The following PCDHA5 variants were observed in gnomAD, a reference collection of about 807,000 sequenced individuals.
PCDHA5 encodes protocadherin alpha 5.
Under a neutral mutation model 61.6 loss-of-function variants are expected in PCDHA5, and 43 were observed. The observed-to-expected ratio is 0.70, with a 90% CI of 0.55 to 0.90. PCDHA5 has a LOEUF of 0.90. Among genes scored for constraint, PCDHA5 ranks in the 40% least tolerant of loss-of-function variants. The pLI is 0.00. For synonymous variants in PCDHA5, 627 were observed against 543.9 expected (o/e 1.15, Z -2.13); for missense variants, 1,298 against 1,222.7 (o/e 1.06, Z -0.92).
chr5:140,828,245 C>T (rs2150153040), intron 1 of PCDHA5: 1 of 1,613,956 alleles, frequency 6.2e-7, no homozygotes, highest in East Asian at 2.2e-5. Context: ...CGCGCAGGAC[C>T]TGGGGCTGGA....
intron 1 of PCDHA5, chr5:140,927,487 C>T: frequency 1.2e-6 from 2 of 1,614,142 alleles, no homozygotes; most frequent in Non-Finnish European, 1.7e-6. Context: ...GCGCGCCACC[C>T]ACCTGCTGGT....
intron 1 of PCDHA5, chr5:140,870,319 T>G (rs782623881): frequency 3.7e-6 from 6 of 1,614,162 alleles, no homozygotes; most frequent in Non-Finnish European, 5.1e-6. Flanking sequence ...TTACTACTCG[T>G]TGGTGCTGGA....
At chr5:140,860,671 T>A (rs1339790199) in intron 1 of PCDHA5, 1 of 152,218 alleles carries the variant, frequency 6.6e-6, no homozygotes, top group Non-Finnish European at 1.5e-5. Context: ...TGAAATCAAA[T>A]GCACTTATGT....
intron 1 of PCDHA5, among the ~76,000 whole-genome samples, chr5:140,924,902 AAAATAAAATAAAAT>A (rs1442290811): frequency 5.1e-5 from 2 of 39,026 alleles, no homozygotes; most frequent in East Asian, 1.3e-3. Flanking sequence ...CTCAAAAAAA[AAAATAAAATAAAAT>A]AAAATAAAAT....
intron 1 of PCDHA5, chr5:140,843,092 G>A (rs1778555450): frequency 6.3e-7 from 1 of 1,595,654 alleles, no homozygotes. Flanking sequence ...GGGCCACGTG[G>A]TAGCGAAGGT....
At position 140,850,009 on chromosome 5, in the gene PCDHA5, C is replaced by G. The variant is rs2150463255; in HGVS notation, c.2352+25882C>G. The G allele has an allele frequency of 3.8e-5, 61 of 1,596,962 alleles. 4 individuals carry two copies. Among genetic ancestry groups the G allele is most frequent in the Non-Finnish European group, 5.1e-5 (60 of 1,167,842 alleles). On this transcript the variant is annotated intron_variant, in intron 1 of 3. Transcript: ENST00000529859. ...CGGCGGTTGGGCGAGCGCTCGCTGT[C>G]GAGCTACGTGTCAGTGCACGCGGAG...
chr5:140,965,928 C>T (rs2095948805), intron 1 of PCDHA5, among the ~76,000 whole-genome samples: 1 of 152,198 alleles, frequency 6.6e-6, no homozygotes, highest in South Asian at 2.1e-4. Flanking sequence ...GGCTTGCTCC[C>T]GGAAAGAGGG....
chr5:140,932,199 A>C (rs1314795858), intron 1 of PCDHA5, among the ~76,000 whole-genome samples: 2 of 151,894 alleles, frequency 1.3e-5, no homozygotes, highest in African/African-American at 4.8e-5. Context: ...TTTTTCTGTT[A>C]ATATTCTTGA....
intron 1 of PCDHA5, chr5:140,966,920 C>A: frequency 6.2e-7 from 1 of 1,602,672 alleles, no homozygotes; most frequent in South Asian, 1.1e-5. Flanking sequence ...GCCAGAGGAG[C>A]AGGCACCCGG....
rs550398364 is a variant in PCDHA5, at chr5:140,897,290, G to A, written c.2352+73163G>A. Among the ~76,000 whole-genome samples the A allele has an allele frequency of 1.2e-4, 18 of 150,778 alleles. No homozygotes were observed. In the East Asian group the frequency reaches 1.4e-3, roughly 11 times the overall value. On this transcript the variant is annotated intron_variant, in intron 1 of 3. Coordinates refer to ENST00000529859, the MANE Select transcript of PCDHA5 (RefSeq NM_018908.3). ...GCTGGTGTGCTGCACCCATTAACTC[G>A]TCATTTAGCATTAGGTATATCTCCT...
chr5:140,969,473 A>G (rs562575347), intron 1 of PCDHA5: 1 of 1,478,090 alleles, frequency 6.8e-7, no homozygotes, highest in Non-Finnish European at 9.0e-7. Flanking sequence ...CCACAATTTG[A>G]TCATAATCTG....
At chr5:140,941,202 C>CCTTCCTTTCTTT (rs1554213920) in intron 1 of PCDHA5, among the ~76,000 whole-genome samples, 197 of 122,808 alleles carry the variant, frequency 1.6e-3, no homozygotes, top group Admixed American at 2.9e-3. Flanking sequence ...TTTCTTTCTT[C>CCTTCCTTTCTTT]CTTTCTTTCT....
chr5:140,906,238 C>T (rs1309828775), intron 1 of PCDHA5, among the ~76,000 whole-genome samples: 2 of 152,186 alleles, frequency 1.3e-5, no homozygotes, highest in Non-Finnish European at 2.9e-5. Flanking sequence ...CCCTTGTCAA[C>T]TTGAACCCAT....
At chr5:140,856,949 ATAAAAG>A in intron 1 of PCDHA5, 1 of 1,592,772 alleles carries the variant, frequency 6.3e-7, no homozygotes, top group Non-Finnish European at 8.6e-7. Context: ...GACGGGAGAA[ATAAAAG>A]TAAATGATGC....
At chr5:140,842,951 C>A (rs2150348628) in intron 1 of PCDHA5, 3 of 1,594,846 alleles carry the variant, frequency 1.9e-6, no homozygotes, top group Non-Finnish European at 2.6e-6. Context: ...GGGCGTGCCG[C>A]CTCTGGGCAG....
intron 1 of PCDHA5, chr5:140,868,741 A>G: frequency 4.8e-6 from 1 of 208,168 alleles, no homozygotes; most frequent in South Asian, 1.1e-4. Flanking sequence ...GAGAAATACA[A>G]TGCCATTTCC....
intron 1 of PCDHA5, chr5:140,843,126 G>T (rs1554139770): frequency 3.8e-6 from 6 of 1,595,828 alleles, no homozygotes; most frequent in Non-Finnish European, 5.1e-6. Flanking sequence ...GCCGACTCGG[G>T]CTACAACGCG....
chr5:140,970,373 C>T (rs1554232421), intron 1 of PCDHA5, among the ~76,000 whole-genome samples: 2 of 152,250 alleles, frequency 1.3e-5, no homozygotes, highest in East Asian at 1.9e-4. Context: ...GCTATAGCTT[C>T]AAAAGGCTGG....
intron 1 of PCDHA5, among the ~76,000 whole-genome samples, chr5:140,905,747 C>T (rs2072054792): frequency 2.0e-5 from 3 of 152,156 alleles, no homozygotes; most frequent in South Asian, 2.1e-4. Context: ...AGAGATCTTT[C>T]ACCTCCTTGG....
Sources: allele counts gnomAD v4.1 joint callset (sites outside exome capture counted in the v4.1 genomes callset), GRCh38; gene constraint gnomAD v4.1.1; transcripts MANE v1.5; gene names NCBI Gene and HGNC (gene_info 2026-07-23, HGNC 2026-07-21).